Variants in ADAMTSL1 observed in about 807,000 individuals in gnomAD.
ADAMTSL1 encodes ADAMTS like 1, also known as ADAMTS-like protein 1.
ADAMTSL1 carries 126 observed loss-of-function variants against 201.8 expected under a neutral mutation model. That is an observed-to-expected ratio of 0.62 (90% CI 0.54 to 0.72). The LOEUF (loss-of-function observed/expected upper bound fraction) is 0.72, where lower values mean the gene tolerates loss of function less well. ADAMTSL1 is among the 30% of genes least tolerant of loss of function. The pLI, the probability that ADAMTSL1 is intolerant of heterozygous loss-of-function variation, is 0.00. For synonymous variants in ADAMTSL1, 1,121 were observed against 903.4 expected (o/e 1.24, Z -4.32); for missense variants, 2,679 against 2,277.8 (o/e 1.18, Z -3.59).
At chr9:18,311,018 G>A (rs1587527030) in intron 2 of ADAMTSL1, among the ~76,000 whole-genome samples, 1 of 149,502 alleles carries the variant, frequency 6.7e-6, no homozygotes, top group Admixed American at 6.6e-5. Context: ...GGAATACTAT[G>A]CAGCCATAAA....
chr9:18,169,951 C>T (rs1033228144), intron 2 of ADAMTSL1, among the ~76,000 whole-genome samples: 1 of 151,900 alleles, frequency 6.6e-6, no homozygotes, highest in African/African-American at 2.4e-5. Context: ...GAGTTGGCTA[C>T]CAAAATTCTA....
intron 4 of ADAMTSL1, among the ~76,000 whole-genome samples, chr9:18,610,295 A>T (rs1385222247): frequency 6.6e-6 from 1 of 152,192 alleles, no homozygotes; most frequent in Non-Finnish European, 1.5e-5. Flanking sequence ...ATTTTGTGCT[A>T]TGGCTTTTTC....
chr9:18,488,404 C>T (rs953244120), intron 1 of ADAMTSL1, among the ~76,000 whole-genome samples: 13 of 152,146 alleles, frequency 8.5e-5, no homozygotes, highest in Admixed American at 2.6e-4. Flanking sequence ...ATGAAGGCTC[C>T]GGCCCCTCCT....
intron 16 of ADAMTSL1, among the ~76,000 whole-genome samples, chr9:18,754,570 C>T (rs969800923): frequency 1.4e-4 from 21 of 152,282 alleles, no homozygotes; most frequent in African/African-American, 4.8e-4. Flanking sequence ...GGAGAGAGGA[C>T]GACAGCTCAC....
intron 1 of ADAMTSL1, among the ~76,000 whole-genome samples, chr9:18,146,191 T>C (rs1037509371): frequency 1.3e-5 from 2 of 152,116 alleles, no homozygotes; most frequent in African/African-American, 2.4e-5. Flanking sequence ...CTCAAAATAG[T>C]CTTACCATAT....
intron 2 of ADAMTSL1, among the ~76,000 whole-genome samples, chr9:18,417,383 A>AAAAAAAAAAAAAAAAG (rs1563946563): frequency 8.1e-6 from 1 of 123,010 alleles, no homozygotes. Flanking sequence ...AAAAAAAAAG[A>AAAAAAAAAAAAAAAAG]AAAAAAAAAC....
At chr9:18,406,343 T>TCTTTTCTTTTCTTTTCTTCTC (rs11273921) in intron 2 of ADAMTSL1, among the ~76,000 whole-genome samples, 1 of 146,230 alleles carries the variant, frequency 6.8e-6, no homozygotes, top group African/African-American at 2.5e-5. Context: ...TCTTTTCTTT[T>TCTTTTCTTTTCTTTTCTTCTC]TTTGACATGG....
chr9:18,837,849 C>G (rs117316437), intron 23 of ADAMTSL1, among the ~76,000 whole-genome samples: 1,881 of 152,206 alleles, frequency 0.012, 12 homozygotes, highest in Middle Eastern at 0.048. Flanking sequence ...CTGATCCGGT[C>G]CCTCTACCTT....
At chr9:18,808,380 T>G (rs1728855461) in intron 20 of ADAMTSL1, among the ~76,000 whole-genome samples, 1 of 152,212 alleles carries the variant, frequency 6.6e-6, no homozygotes, top group Non-Finnish European at 1.5e-5. Flanking sequence ...TTGGATAACT[T>G]TGTGCTTTGT....
chr9:18,067,025 A>T (rs1327624271), intron 1 of ADAMTSL1, among the ~76,000 whole-genome samples: 1 of 152,148 alleles, frequency 6.6e-6, no homozygotes, highest in Admixed American at 6.5e-5. Flanking sequence ...ATTAGGAGAT[A>T]TACCTAATGC....
At chr9:17,968,246 G>A (rs1452612226) in intron 1 of ADAMTSL1, among the ~76,000 whole-genome samples, 2 of 152,080 alleles carry the variant, frequency 1.3e-5, no homozygotes, top group East Asian at 3.9e-4. Flanking sequence ...CCTCCAGGAA[G>A]GCATTGTGCC....
chr9:18,042,865 C>G (rs560409606), intron 1 of ADAMTSL1, among the ~76,000 whole-genome samples: 1 of 152,034 alleles, frequency 6.6e-6, no homozygotes, highest in Non-Finnish European at 1.5e-5. Flanking sequence ...GACATCCTCC[C>G]AAGTTTGTAA....
intron 23 of ADAMTSL1, among the ~76,000 whole-genome samples, chr9:18,861,139 TAC>T (rs2131416487): frequency 6.6e-6 from 1 of 152,200 alleles, no homozygotes; most frequent in African/African-American, 2.4e-5. Flanking sequence ...TCCCTCGTTA[TAC>T]AGAGATCATA....
In ADAMTSL1 at chr9:18,753,284, T is replaced by C. The variant is rs751258114; in HGVS notation, c.2007-14T>C. 1.7e-5 allele frequency: 27 copies of C among 1,605,776 alleles called. No individual in the cohort carries two copies. Among genetic ancestry groups the C allele is most frequent in the Non-Finnish European group, 2.3e-5 (27 of 1,175,956 alleles). The stretch of plus-strand genomic sequence containing the variant: ...ACTAAGGGTGTGTCCTCTTCCTCTC[T>C]GATTTCTTCTCAGGTGGGAAATTGG... On this transcript the variant is annotated splice_polypyrimidine_tract_variant and intron_variant, in intron 15 of 28. Transcript: ENST00000380548.
rs549264463 is a variant in ADAMTSL1 at position 18,369,222 on chromosome 9, T to G, written c.208-135607T>G. ...TTGAATTAGAGTTCTTTAGTTGAAC[T>G]CACAACTCGACCTCACAGCTCTCTA... On this transcript the variant is annotated intron_variant, in intron 2 of 29. Coordinates refer to the ADAMTSL1 transcript ENST00000680146. 2.6e-5 allele frequency among the ~76,000 whole-genome samples: 4 copies of G among 152,352 alleles called. No individual in the cohort carries two copies. In the East Asian group the frequency reaches 7.7e-4, roughly 29 times the overall value.
At chr9:18,477,500 A>G (rs1030000588) in intron 1 of ADAMTSL1, among the ~76,000 whole-genome samples, 2 of 152,100 alleles carry the variant, frequency 1.3e-5, no homozygotes, top group Non-Finnish European at 2.9e-5. Flanking sequence ...GGGGAGAAGC[A>G]CCCTTAGCTT....
chr9:18,235,186 C>T (rs781077125), intron 2 of ADAMTSL1, among the ~76,000 whole-genome samples: 5 of 152,114 alleles, frequency 3.3e-5, no homozygotes, highest in Non-Finnish European at 7.3e-5. Flanking sequence ...ACAGATTCTC[C>T]GATTTTCATT....
chr9:18,494,993 T>A (rs996337221), intron 1 of ADAMTSL1, among the ~76,000 whole-genome samples: 1 of 152,046 alleles, frequency 6.6e-6, no homozygotes, highest in African/African-American at 2.4e-5. Flanking sequence ...AAACACCAGA[T>A]GGGAAGTCAA....
chr9:18,570,907 G>GTGTTC (rs959551009), intron 3 of ADAMTSL1, among the ~76,000 whole-genome samples: 3 of 152,178 alleles, frequency 2.0e-5, no homozygotes, highest in African/African-American at 7.2e-5. Flanking sequence ...CTTGTAACAG[G>GTGTTC]TGTTCCTGAA....
Sources: allele counts gnomAD v4.1 joint callset (sites outside exome capture counted in the v4.1 genomes callset), GRCh38; gene constraint gnomAD v4.1.1; transcripts MANE v1.5; gene names NCBI Gene and HGNC (gene_info 2026-07-23, HGNC 2026-07-21).